Variants in PBX1 observed in about 807,000 individuals in gnomAD.
PBX1 encodes pre-B-cell leukemia transcription factor 1.
PBX1 carries 6 observed loss-of-function variants against 53.4 expected under a neutral mutation model. The ratio of observed to expected loss-of-function variants is 0.11; its 90% CI spans 0.06 to 0.22. The LOEUF (loss-of-function observed/expected upper bound fraction) is 0.22. Ranked by LOEUF, PBX1 falls within the 10% of genes least tolerant of loss-of-function variation. The pLI, the probability that PBX1 is intolerant of heterozygous loss-of-function variation, is 1.00. For synonymous variants in PBX1, 204 were observed against 212.3 expected (o/e 0.96, Z 0.34); for missense variants, 251 against 551.4 (o/e 0.46, Z 5.46).
At chr1:164,728,300 A>G (rs1475660071) in intron 2 of PBX1, among the ~76,000 whole-genome samples, 1 of 151,270 alleles carries the variant, frequency 6.6e-6, no homozygotes. Flanking sequence ...TTGGGTGACA[A>G]AGGAGATCTT....
intron 6 of PBX1, 28 bp downstream of exon 6, chr1:164,812,177 G>T (rs1257813049): frequency 6.3e-7 from 1 of 1,589,256 alleles, no homozygotes; most frequent in Non-Finnish European, 8.6e-7. Flanking sequence ...TTGGGGGTGG[G>T]GGAAGGAATT....
intron 2 of PBX1, among the ~76,000 whole-genome samples, chr1:164,739,481 C>T (rs1024411617): frequency 6.6e-6 from 1 of 152,160 alleles, no homozygotes; most frequent in South Asian, 2.1e-4. Flanking sequence ...TCCCTAACCA[C>T]CCAAACTGGT....
intron 2 of PBX1, among the ~76,000 whole-genome samples, chr1:164,651,328 G>A (rs1659802085): frequency 6.6e-6 from 1 of 151,984 alleles, no homozygotes; most frequent in Non-Finnish European, 1.5e-5. Flanking sequence ...GTGCGGACGG[G>A]GAAAGGTCTC....
At chr1:164,764,834 T>G (rs1666985219) in intron 2 of PBX1, among the ~76,000 whole-genome samples, 1 of 152,180 alleles carries the variant, frequency 6.6e-6, no homozygotes, top group African/African-American at 2.4e-5. Flanking sequence ...TGCATATATC[T>G]TTACCATTAT....
chr1:164,786,720 T>TGTGTGTGTGTGTGTGTGTGC (rs1357886882), intron 2 of PBX1, among the ~76,000 whole-genome samples: 2 of 116,256 alleles, frequency 1.7e-5, no homozygotes, highest in African/African-American at 6.9e-5. Context: ...TGTGTGTGTG[T>TGTGTGTGTGTGTGTGTGTGC]GCGCGCGCAC....
intron 2 of PBX1, among the ~76,000 whole-genome samples, chr1:164,679,256 G>T (rs955430536): frequency 1.1e-4 from 17 of 152,180 alleles, no homozygotes; most frequent in Non-Finnish European, 1.9e-4. Flanking sequence ...TAGAGAGATG[G>T]AAGACTACAA....
chr1:164,847,572 G>C lies in PBX1; in HGVS notation c.*896G>C. 9.4e-7 allele frequency: 1 copy of C among 1,063,078 alleles called. No homozygotes were observed. Among genetic ancestry groups the C allele is most frequent in the Non-Finnish European group, 1.1e-6 (1 of 877,988 alleles). 65.9% of individuals were successfully genotyped at this position (1,063,078 alleles called of 1,614,324 possible). On this transcript the variant is annotated 3_prime_UTR_variant, in exon 9 of 9. Coordinates refer to ENST00000420696, the MANE Select transcript of PBX1 (RefSeq NM_002585.4). ...GTGATGAATGCATCAGCAAGGAATA[G>C]AAAGTTCTTATCGTGAAACCCTTCA... is the stretch of plus-strand genomic sequence containing the variant.
At chr1:164,607,679 G>A (rs977778503) in intron 2 of PBX1, among the ~76,000 whole-genome samples, 1 of 152,134 alleles carries the variant, frequency 6.6e-6, no homozygotes, top group African/African-American at 2.4e-5. Flanking sequence ...GGAATGCAGT[G>A]ATCCAAGAGA....
intron 2 of PBX1, among the ~76,000 whole-genome samples, chr1:164,763,086 A>G (rs919393737): frequency 6.6e-6 from 1 of 151,808 alleles, no homozygotes; most frequent in Non-Finnish European, 1.5e-5. Context: ...GAGGTTAAAC[A>G]GTCAAAATCA....
intron 2 of PBX1, among the ~76,000 whole-genome samples, chr1:164,581,477 C>T (rs1366127592): frequency 3.3e-5 from 5 of 152,102 alleles, no homozygotes; most frequent in Non-Finnish European, 5.9e-5. Context: ...CCGCCTGCCT[C>T]GGCCTCCCAA....
At chr1:164,623,633 T>A (rs1657839218) in intron 2 of PBX1, among the ~76,000 whole-genome samples, 1 of 152,190 alleles carries the variant, frequency 6.6e-6, no homozygotes, top group Admixed American at 6.5e-5. Context: ...CTCCTCTCTG[T>A]GCTTGCCTTT....
rs1451825190 is a variant in PBX1, at chr1:164,760,187, C to G, written c.266-32307C>G. Among the ~76,000 whole-genome samples, 12 of 152,318 alleles carry G rather than the reference C, an allele frequency of 7.9e-5. No individual in the cohort carries two copies. In the East Asian group the frequency reaches 2.1e-3, roughly 27 times the overall value. ...TCTTGACTACTGCTCGGGGCTGGAG[C>G]CACTTACCATGTCACACATTCAGCA... On this transcript the variant is annotated intron_variant, in intron 2 of 8. Transcript: ENST00000420696.
chr1:164,689,670 A>G (rs890216302), intron 2 of PBX1, among the ~76,000 whole-genome samples: 2 of 152,240 alleles, frequency 1.3e-5, no homozygotes, highest in African/African-American at 2.4e-5. Context: ...GCTTCTGCCA[A>G]TAAATCCATT....
intron 2 of PBX1, among the ~76,000 whole-genome samples, chr1:164,618,528 C>T (rs763064480): frequency 1.1e-4 from 16 of 152,124 alleles, no homozygotes; most frequent in Non-Finnish European, 1.2e-4. Context: ...TTTTTATTTT[C>T]CTTTTCTCAA....
intron 8 of PBX1, among the ~76,000 whole-genome samples, chr1:164,830,697 A>C (rs1397824051): frequency 6.6e-6 from 1 of 152,194 alleles, no homozygotes; most frequent in Non-Finnish European, 1.5e-5. Context: ...TGTAGGGCTT[A>C]CATAAGATAG....
At chr1:164,874,821 C>T (rs1672466897) in intron 2 of PBX1, among the ~76,000 whole-genome samples, 1 of 152,102 alleles carries the variant, frequency 6.6e-6, no homozygotes, top group African/African-American at 2.4e-5. Flanking sequence ...CACATCAATC[C>T]ACACTCACAA....
chr1:164,580,549 G>T (rs1411967780), intron 2 of PBX1, among the ~76,000 whole-genome samples: 1 of 152,062 alleles, frequency 6.6e-6, no homozygotes, highest in Non-Finnish European at 1.5e-5. Flanking sequence ...CACAGTGCTG[G>T]GATTACAGGC....
intron 2 of PBX1, among the ~76,000 whole-genome samples, chr1:164,610,521 G>A (rs1236774315): frequency 2.0e-5 from 3 of 152,114 alleles, no homozygotes; most frequent in Admixed American, 6.5e-5. Context: ...AGGCACTGGG[G>A]GTGGCTGGGG....
intron 3 of PBX1, among the ~76,000 whole-genome samples, chr1:164,795,332 G>A (rs1484894807): frequency 1.3e-5 from 2 of 152,190 alleles, no homozygotes; most frequent in Non-Finnish European, 2.9e-5. Context: ...CGACAATGGG[G>A]TAAGCAGGTT....
Sources: allele counts gnomAD v4.1 joint callset (sites outside exome capture counted in the v4.1 genomes callset), GRCh38; gene constraint gnomAD v4.1.1; transcripts MANE v1.5; gene names NCBI Gene and HGNC (gene_info 2026-07-23, HGNC 2026-07-21).